Variants in TBC1D5 observed in about 807,000 individuals in gnomAD.
TBC1D5 encodes the protein TBC1 domain family, member 5.
In TBC1D5, 75 loss-of-function variants were observed where a neutral mutation model predicts 100.3. The ratio of observed to expected loss-of-function variants is 0.75; its 90% CI spans 0.62 to 0.91. TBC1D5 has a LOEUF of 0.91. Ranked by LOEUF, TBC1D5 falls within the 40% of genes least tolerant of loss-of-function variation. The pLI is 0.00. For missense variants in TBC1D5, 910 were observed against 942.4 expected (o/e 0.97, Z 0.45); for synonymous variants, 323 against 325.6 (o/e 0.99, Z 0.09).
intron 3 of TBC1D5, among the ~76,000 whole-genome samples, chr3:17,505,854 C>A (rs542798396): frequency 1.3e-5 from 2 of 152,006 alleles, no homozygotes; most frequent in Admixed American, 1.3e-4. Flanking sequence ...CTGAACAGGG[C>A]ACACAGAAAA....
intron 1 of TBC1D5, among the ~76,000 whole-genome samples, chr3:17,728,503 A>G (rs1267686945): frequency 6.6e-6 from 1 of 152,218 alleles, no homozygotes; most frequent in East Asian, 1.9e-4. Context: ...TAAGAGCTAC[A>G]GGAACTTGTT....
intron 1 of TBC1D5, among the ~76,000 whole-genome samples, chr3:17,645,618 T>C (rs1433030650): frequency 6.6e-6 from 1 of 152,152 alleles, no homozygotes; most frequent in Non-Finnish European, 1.5e-5. Flanking sequence ...GTTTCCTTTC[T>C]AGGCTTAGGT....
chr3:17,343,621 A>C (rs1321318282), intron 13 of TBC1D5, among the ~76,000 whole-genome samples: 1 of 151,660 alleles, frequency 6.6e-6, no homozygotes, highest in Non-Finnish European at 1.5e-5. Context: ...TTGGTAAGCT[A>C]TTGATTATTG....
At chr3:17,715,295 C>T (rs943098387) in intron 1 of TBC1D5, among the ~76,000 whole-genome samples, 6 of 152,156 alleles carry the variant, frequency 3.9e-5, no homozygotes, top group African/African-American at 1.4e-4. Context: ...CTAGAGAATA[C>T]TCGATCCTGA....
At chr3:17,287,128 AAAAT>A (rs2081262810) in intron 15 of TBC1D5, among the ~76,000 whole-genome samples, 1 of 152,232 alleles carries the variant, frequency 6.6e-6, no homozygotes, top group Non-Finnish European at 1.5e-5. Flanking sequence ...TGGCAGCTGA[AAAAT>A]AAACCACTGG....
At chr3:17,246,206 A>G (rs374288322) in intron 16 of TBC1D5, among the ~76,000 whole-genome samples, 1 of 152,240 alleles carries the variant, frequency 6.6e-6, no homozygotes, top group East Asian at 1.9e-4. Flanking sequence ...GGAACAGATT[A>G]TATGTAGAAA....
intron 3 of TBC1D5, among the ~76,000 whole-genome samples, chr3:17,450,324 T>C (rs1260819233): frequency 6.6e-6 from 1 of 152,058 alleles, no homozygotes; most frequent in South Asian, 2.1e-4. Flanking sequence ...GAATACCTCT[T>C]CTCCTCCAAA....
intron 1 of TBC1D5, among the ~76,000 whole-genome samples, chr3:17,668,960 C>T (rs1368288678): frequency 6.6e-6 from 1 of 152,178 alleles, no homozygotes; most frequent in Admixed American, 6.5e-5. Flanking sequence ...AGTTTACCCT[C>T]TTTAAGTTTC....
intron 13 of TBC1D5, among the ~76,000 whole-genome samples, chr3:17,328,228 C>T (rs371341946): frequency 5.3e-5 from 8 of 151,844 alleles, no homozygotes; most frequent in African/African-American, 1.7e-4. Flanking sequence ...CATGAACAGG[C>T]CACTGCACTC....
At chr3:17,513,710 A>G (rs945222378) in intron 2 of TBC1D5, among the ~76,000 whole-genome samples, 2 of 152,224 alleles carry the variant, frequency 1.3e-5, no homozygotes, top group Admixed American at 6.5e-5. Context: ...GATTTCTCCT[A>G]TAAGAAAAGC....
intron 15 of TBC1D5, among the ~76,000 whole-genome samples, chr3:17,280,466 C>G (rs1235904677): frequency 6.6e-6 from 1 of 152,076 alleles, no homozygotes; most frequent in Non-Finnish European, 1.5e-5. Flanking sequence ...ATAAAAAACC[C>G]TATACCCATA....
At chr3:17,741,547 T>TGAAACCTGC (rs1393923584), upstream of TBC1D5, among the ~76,000 whole-genome samples, 5 of 152,234 alleles carry the variant, frequency 3.3e-5, no homozygotes, top group African/African-American at 7.2e-5. Context: ...TCCAAACGTG[T>TGAAACCTGC]GAAACCTGCA....
chr3:17,573,376 C>T (rs538911458), intron 2 of TBC1D5, among the ~76,000 whole-genome samples: 36 of 152,180 alleles, frequency 2.4e-4, no homozygotes, highest in Non-Finnish European at 3.7e-4. Flanking sequence ...CTAAATTTCA[C>T]ATAAGTGTTC....
chr3:17,499,887 A>C (rs1383184581), intron 3 of TBC1D5, among the ~76,000 whole-genome samples: 2 of 149,420 alleles, frequency 1.3e-5, no homozygotes, highest in African/African-American at 2.5e-5. Flanking sequence ...AGACCAATCA[A>C]CCAAAACTAC....
intron 13 of TBC1D5, among the ~76,000 whole-genome samples, chr3:17,325,202 A>G (rs2085929944): frequency 6.6e-6 from 1 of 151,878 alleles, no homozygotes; most frequent in Non-Finnish European, 1.5e-5. Flanking sequence ...AAAAACCCAC[A>G]GGTCCTCCAA....
At chr3:17,253,281 T>A (rs1349853983) in intron 16 of TBC1D5, among the ~76,000 whole-genome samples, 1 of 152,236 alleles carries the variant, frequency 6.6e-6, no homozygotes. Context: ...TATTAGTAAT[T>A]TGTTGATCAG....
intron 13 of TBC1D5, among the ~76,000 whole-genome samples, chr3:17,361,398 AC>A (rs1450861164): frequency 1.3e-5 from 2 of 152,094 alleles, no homozygotes; most frequent in African/African-American, 4.8e-5. Context: ...AATATGGAAG[AC>A]CTAACCGACA....
chr3:17,457,039 T>C (rs1407824223), intron 3 of TBC1D5, among the ~76,000 whole-genome samples: 2 of 152,028 alleles, frequency 1.3e-5, no homozygotes, highest in Non-Finnish European at 2.9e-5. Context: ...TTTTGGGGGG[T>C]AGAATCTTTT....
At chr3:17,393,400 A>G (rs1420862732) in intron 8 of TBC1D5, among the ~76,000 whole-genome samples, 1 of 152,190 alleles carries the variant, frequency 6.6e-6, no homozygotes. Context: ...CATACTGCCC[A>G]AAGTAATTTA....
Sources: allele counts gnomAD v4.1 joint callset (sites outside exome capture counted in the v4.1 genomes callset), GRCh38; gene constraint gnomAD v4.1.1; transcripts MANE v1.5; gene names NCBI Gene and HGNC (gene_info 2026-07-23, HGNC 2026-07-21).